The following NBPF15 variants were observed in gnomAD, a reference collection of about 807,000 sequenced individuals.
NBPF15 encodes NBPF family member NBPF15.
NBPF15 carries 74 observed loss-of-function variants against 62.2 expected under a neutral mutation model. That is an observed-to-expected ratio of 1.19 (90% CI 0.99 to 1.44). The LOEUF is 1.44. NBPF15 is among the 40% of genes most tolerant of loss of function. The pLI is 0.00. For missense variants in NBPF15, 790 were observed against 550.0 expected (o/e 1.44, Z -4.36); for synonymous variants, 244 against 209.7 (o/e 1.16, Z -1.41).
At chr1:144,433,136 G>C (rs1311663941) in intron 13 of NBPF15, among the ~76,000 whole-genome samples, 1 of 151,992 alleles carries the variant, frequency 6.6e-6, no homozygotes, top group Non-Finnish European at 1.5e-5. Flanking sequence ...TAGAACCCAG[G>C]ATTAAGAAAC....
rs1431664025 is a variant in NBPF15, at chr1:144,424,213, TC to T, written c.1664-239del. On this transcript the variant is annotated intron_variant, in intron 20 of 21. Transcript: ENST00000581897. ...TAGATCGTTATCCCAATAACATTTGTCCCAAGTTTGTGCAAACAGTTATGCC... is the reference window on the plus strand; with the variant it reads ...TAGATCGTTATCCCAATAACATTTGTCCAAGTTTGTGCAAACAGTTATGCC... 1.6e-4 allele frequency among the ~76,000 whole-genome samples: 25 copies of T among 152,050 alleles called. 1 individual carries two copies. Among genetic ancestry groups the T allele is most frequent in the Non-Finnish European group, 2.9e-4 (20 of 67,982 alleles).
intron 6 of NBPF15, among the ~76,000 whole-genome samples, chr1:144,447,155 G>A (rs1195356233): frequency 7.6e-4 from 116 of 152,386 alleles, no homozygotes; most frequent in Admixed American, 2.3e-3. Context: ...TCTGACAGCA[G>A]GGAGGACAAA....
intron 2 of NBPF15, among the ~76,000 whole-genome samples, chr1:144,459,945 C>G (rs1468251664): frequency 2.0e-5 from 3 of 150,730 alleles, no homozygotes; most frequent in Admixed American, 6.6e-5. Context: ...AACAATGCCA[C>G]TCCTACAAAT....
chr1:144,431,118 G>A (rs1299794623), intron 13 of NBPF15, among the ~76,000 whole-genome samples: 17 of 150,606 alleles, frequency 1.1e-4, no homozygotes, highest in South Asian at 2.1e-4. Context: ...TGAAAGTGAC[G>A]GGGAGAATGG....
intron 4 of NBPF15, among the ~76,000 whole-genome samples, chr1:144,455,404 A>T (rs1308716929): frequency 6.6e-6 from 1 of 152,046 alleles, no homozygotes; most frequent in African/African-American, 2.4e-5. Context: ...TTGGAGACAG[A>T]TGCACTACTG....
At chr1:144,423,376 T>G (rs1553538644) in intron 21 of NBPF15, 120 bp from the exon 22 acceptor site, 3 of 1,583,972 alleles carry the variant, frequency 1.9e-6, no homozygotes, top group Non-Finnish European at 2.6e-6. Context: ...GATTCATTAA[T>G]GAGGTAAAAA....
intron 6 of NBPF15, among the ~76,000 whole-genome samples, chr1:144,442,452 G>A (rs1271734873): frequency 4.8e-5 from 7 of 145,566 alleles, no homozygotes; most frequent in South Asian, 2.2e-4. Flanking sequence ...TTTAAGTGGC[G>A]GAGCGAGGGC....
At chr1:144,455,089 GAGGA>G (rs142085487) in intron 4 of NBPF15, among the ~76,000 whole-genome samples, 3,515 of 139,998 alleles carry the variant, frequency 0.025, 145 homozygotes, top group African/African-American at 0.083. Flanking sequence ...GGGAAGGAAG[GAGGA>G]AGGAAGGAAG....
At chr1:144,455,492 G>A (rs1693904974) in intron 4 of NBPF15, among the ~76,000 whole-genome samples, 1 of 151,938 alleles carries the variant, frequency 6.6e-6, no homozygotes, top group Admixed American at 6.6e-5. Context: ...GCCCACTGTT[G>A]CCAGAGACAC....
chr1:144,455,863 A>G (rs1694149289), intron 4 of NBPF15, among the ~76,000 whole-genome samples: 1 of 152,112 alleles, frequency 6.6e-6, no homozygotes, highest in Admixed American at 6.5e-5. Flanking sequence ...CATGGTACCT[A>G]ATAGTCACCC....
In NBPF15 at chr1:144,423,082, A is replaced by G. The variant is rs782765517; in HGVS notation, c.1944T>C (p.Asn648=). The change falls in exon 22 of 22, where the codon AAT becomes AAC. Residue 648 remains asparagine, a synonymous_variant. Transcript: ENST00000581897. ...EHISFALYVD[N]RFFTLTVTSL... is the part of the protein sequence containing the mutation. ...TTGTCACCGTCAAAGTAAAAAACCTATTGTCCACGTAAAGGGCGAAGCTGA... is the reference window on the plus strand; with the variant it reads ...TTGTCACCGTCAAAGTAAAAAACCTGTTGTCCACGTAAAGGGCGAAGCTGA... 9.9e-6 allele frequency: 16 copies of G among 1,611,480 alleles called. No homozygotes were observed. Among genetic ancestry groups the G allele is most frequent in the South Asian group, 2.2e-5 (2 of 90,980 alleles).
At chr1:144,442,088 AACATGGC>A (rs1683306251) in intron 6 of NBPF15, among the ~76,000 whole-genome samples, 1 of 134,600 alleles carries the variant, frequency 7.4e-6, no homozygotes, top group Non-Finnish European at 1.6e-5. Context: ...GCAGCAAACA[AACATGGC>A]ACACGTGTAT....
chr1:144,453,351 G>T (rs1553545943), intron 4 of NBPF15, among the ~76,000 whole-genome samples: 1 of 151,876 alleles, frequency 6.6e-6, no homozygotes, highest in African/African-American at 2.4e-5. Flanking sequence ...ACACGTAAAT[G>T]TAAGGTGCAA....
intron 14 of NBPF15, 143 bp from the exon 15 acceptor site, chr1:144,428,800 C>A (rs781851415): frequency 0.023 from 14,191 of 610,652 alleles, 327 homozygotes; most frequent in Non-Finnish European, 0.032. Context: ...TTCCAGTAGG[C>A]CTGAGGTCAA....
chr1:144,431,352 C>A (rs1449555488), intron 13 of NBPF15, among the ~76,000 whole-genome samples: 1 of 149,468 alleles, frequency 6.7e-6, no homozygotes, highest in Non-Finnish European at 1.5e-5. Context: ...CAAAGGGAAG[C>A]CCATCAGACT....
chr1:144,426,684 A>C (rs1295254376), intron 17 of NBPF15, among the ~76,000 whole-genome samples: 2 of 151,536 alleles, frequency 1.3e-5, no homozygotes, highest in Admixed American at 1.3e-4. Context: ...AGCTCAGCGA[A>C]TTGGCCGGGT....
chr1:144,423,132 A>G lies in NBPF15; in HGVS notation c.1894T>C (p.Phe632Leu), dbSNP rs1254126670. 3.1e-6 allele frequency: 5 copies of G among 1,611,504 alleles called. No individual in the cohort carries two copies. The African/African-American group carries it at 6.7e-5, about 22-fold the overall frequency. The stretch of plus-strand genomic sequence containing the variant: ...ATATGCTCTTCCTCAAATGAGTAAA[A>G]CACACTTCTGTAGTGCTGGAATGAG... ...PDSFQHYRSV[F>L]YSFEEEHISF... The change falls in exon 22 of 22, where the codon TTT (phenylalanine) becomes CTT (leucine). Residue 632 changes from phenylalanine (F) to leucine (L), a missense_variant. Physicochemically the swap from Phe to Leu is conservative, Grantham distance 22. Coordinates refer to ENST00000581897, the MANE Select transcript of NBPF15 (RefSeq NM_001385408.1).
chr1:144,440,891 G>C (rs1319438394), intron 6 of NBPF15, among the ~76,000 whole-genome samples: 7 of 150,978 alleles, frequency 4.6e-5, no homozygotes, highest in African/African-American at 1.2e-4. Flanking sequence ...GGATGGTCTC[G>C]ATCTCCTGAC....
intron 9 of NBPF15, among the ~76,000 whole-genome samples, chr1:144,437,477 G>A (rs1372317249): frequency 2.6e-4 from 38 of 146,612 alleles, no homozygotes; most frequent in Admixed American, 5.5e-4. Context: ...ACAAAGCCAT[G>A]TACAGAAATG....
Sources: allele counts gnomAD v4.1 joint callset (sites outside exome capture counted in the v4.1 genomes callset), GRCh38; gene constraint gnomAD v4.1.1; transcripts MANE v1.5; gene names NCBI Gene and HGNC (gene_info 2026-07-23, HGNC 2026-07-21).